ATP9B: variants seen among roughly 807,000 people sequenced by gnomAD.
The protein encoded by ATP9B is probable phospholipid-transporting ATPase IIB.
Under a neutral mutation model 146.1 loss-of-function variants are expected in ATP9B, and 110 were observed. The ratio of observed to expected loss-of-function variants is 0.75; its 90% CI spans 0.65 to 0.88. ATP9B has a LOEUF of 0.88. Among genes scored for constraint, ATP9B ranks in the 40% least tolerant of loss-of-function variants. ATP9B has a pLI of 0.00. For synonymous variants in ATP9B, 604 were observed against 569.7 expected, an observed-to-expected ratio of 1.06 and a Z score of -0.86; for missense variants, 1,499 against 1,496.4, an observed-to-expected ratio of 1.00 and a Z score of -0.03.
chr18:79,215,147 CAA>C (rs11444921), intron 11 of ATP9B, among the ~76,000 whole-genome samples: 13 of 115,740 alleles, frequency 1.1e-4, no homozygotes, highest in Admixed American at 1.8e-4. Flanking sequence ...GATTCTGTCT[CAA>C]AAAAAAAAAA....
intron 1 of ATP9B, among the ~76,000 whole-genome samples, chr18:79,072,549 C>T (rs1368562336): frequency 2.0e-5 from 3 of 150,256 alleles, no homozygotes; most frequent in African/African-American, 2.4e-5. Context: ...ATGTCTACTT[C>T]TTTCTACACA....
chr18:79,118,315 A>G (rs1184902543), intron 4 of ATP9B, among the ~76,000 whole-genome samples: 1 of 150,290 alleles, frequency 6.7e-6, no homozygotes, highest in African/African-American at 2.4e-5. Context: ...TAAAAGCAGT[A>G]TAGCATTATA....
chr18:79,348,638 C>T (rs2096905467), intron 25 of ATP9B, among the ~76,000 whole-genome samples: 1 of 152,242 alleles, frequency 6.6e-6, no homozygotes, highest in African/African-American at 2.4e-5. Flanking sequence ...GAAGCAAACA[C>T]TGTTGGTCTC....
intron 2 of ATP9B, among the ~76,000 whole-genome samples, chr18:79,102,357 A>T (rs1012883299): frequency 4.6e-5 from 7 of 152,164 alleles, no homozygotes; most frequent in South Asian, 2.1e-4. Context: ...TTGAATATTT[A>T]AAAAAATTTT....
intron 8 of ATP9B, among the ~76,000 whole-genome samples, chr18:79,178,271 G>C (rs568599047): frequency 1.3e-5 from 2 of 152,102 alleles, no homozygotes; most frequent in African/African-American, 4.8e-5. Flanking sequence ...TGAGTGACCC[G>C]GTTTCTCTGT....
At chr18:79,305,656 A>G (rs1002893285) in intron 14 of ATP9B, among the ~76,000 whole-genome samples, 4 of 152,240 alleles carry the variant, frequency 2.6e-5, no homozygotes, top group Non-Finnish European at 4.4e-5. Context: ...AGTTATTAGG[A>G]AAAAATTAAA....
chr18:79,083,309 C>CA (rs1393691323), intron 1 of ATP9B, among the ~76,000 whole-genome samples: 6 of 152,208 alleles, frequency 3.9e-5, no homozygotes, highest in Non-Finnish European at 8.8e-5. Flanking sequence ...TGGCAGCGAG[C>CA]ATTTCAAGCC....
intron 5 of ATP9B, among the ~76,000 whole-genome samples, chr18:79,132,700 TCA>T (rs1317472999): frequency 6.6e-6 from 1 of 152,236 alleles, no homozygotes; most frequent in Non-Finnish European, 1.5e-5. Context: ...TTCCAGTATT[TCA>T]CAGTTACCTC....
intron 11 of ATP9B, among the ~76,000 whole-genome samples, chr18:79,229,008 G>C (rs897274095): frequency 3.9e-5 from 6 of 152,100 alleles, no homozygotes; most frequent in African/African-American, 1.2e-4. Flanking sequence ...TCCAGCCTGG[G>C]CGACAGTATA....
intron 15 of ATP9B, among the ~76,000 whole-genome samples, chr18:79,321,993 A>G (rs1294606795): frequency 6.6e-6 from 1 of 152,182 alleles, no homozygotes; most frequent in Non-Finnish European, 1.5e-5. Context: ...AAGAAGTTTT[A>G]TTGGAGGAAG....
At chr18:79,362,118 G>A (rs938926564) in intron 26 of ATP9B, 2 of 152,222 alleles carry the variant, frequency 1.3e-5, no homozygotes, top group African/African-American at 2.4e-5. Context: ...CTTCAGAGGC[G>A]AGCCAGGGAG....
chr18:79,264,672 G>GT (rs376441505), intron 12 of ATP9B, among the ~76,000 whole-genome samples: 79,240 of 146,528 alleles, frequency 0.54, 21,644 homozygotes, highest in East Asian at 0.67. Flanking sequence ...AGTGTTTTTT[G>GT]TTTTTTTTTT....
intron 16 of ATP9B, 135 bp from the exon 17 acceptor site, chr18:79,329,877 C>T (rs531199895): frequency 4.7e-5 from 35 of 747,788 alleles, no homozygotes; most frequent in South Asian, 6.7e-5. Context: ...CGTAGAAACA[C>T]GTGTGAGGAG....
At chr18:79,110,323 A>C (rs765345211) in intron 2 of ATP9B, 32 bp from the exon 3 acceptor site, 2 of 1,503,170 alleles carry the variant, frequency 1.3e-6, no homozygotes, top group Non-Finnish European at 8.9e-7. Flanking sequence ...AGCAAAAAAA[A>C]ATACACAATA....
At chr18:79,085,750 A>G (rs770706639) in intron 1 of ATP9B, 3 of 152,236 alleles carry the variant, frequency 2.0e-5, no homozygotes, top group African/African-American at 4.8e-5. Context: ...CAGTGTGACT[A>G]TTGGCCCTGC....
chr18:79,312,798 G>T (rs746691025), intron 15 of ATP9B, among the ~76,000 whole-genome samples: 129 of 152,326 alleles, frequency 8.5e-4, no homozygotes, highest in Admixed American at 1.7e-3. Context: ...GATGGTATTT[G>T]CCTTTTTGGT....
Position 79,373,918 on chromosome 18 carries a change from G to A in ATP9B, c.3091G>A (p.Ala1031Thr). Reference sequence around the variant, plus strand: ...TTCAGGCGGCATCCTCATGTATGGGGCCCTGGTGCTCTTCGAGTCTGAGTT... The same window carrying A: ...TTCAGGCGGCATCCTCATGTATGGGACCCTGGTGCTCTTCGAGTCTGAGTT... ...IYQGGILMYG[A>T]LVLFESEFVH... Residue 1031 changes from alanine (A) to threonine (T), a missense_variant, in exon 28 of 30, where the codon GCC becomes ACC. Ala to Thr is a moderately conservative substitution (Grantham distance 58, BLOSUM62 0). Coordinates refer to ENST00000426216, the MANE Select transcript of ATP9B (RefSeq NM_198531.5). 6.2e-7 allele frequency: 1 copy of A among 1,613,030 alleles called. No individual in the cohort carries two copies.
At chr18:79,089,392 C>G (rs1454963332) in intron 1 of ATP9B, among the ~76,000 whole-genome samples, 2 of 152,164 alleles carry the variant, frequency 1.3e-5, no homozygotes. Context: ...TTGTTCCTGC[C>G]CATCTCTTCA....
At position 79,103,155 on chromosome 18, in the gene ATP9B, A is replaced by G. The variant is rs1036964455; in HGVS notation, c.293+6506A>G. On this transcript the variant is annotated intron_variant, in intron 2 of 29. Coordinates refer to ENST00000426216, the MANE Select transcript of ATP9B (RefSeq NM_198531.5). ...GCATTGTGCAGTAGCGAGAAGGGTC[A>G]CCGTCACCTTGTTCTTTCCCAGGTG... Among the ~76,000 whole-genome samples the G allele has an allele frequency of 1.3e-5, 2 of 152,268 alleles. 1 individual carries two copies. The highest frequency in any genetic ancestry group is 4.1e-4 in the South Asian group (2 of 4,830).
Sources: allele counts gnomAD v4.1 joint callset (sites outside exome capture counted in the v4.1 genomes callset), GRCh38; gene constraint gnomAD v4.1.1; transcripts MANE v1.5; gene names NCBI Gene and HGNC (gene_info 2026-07-23, HGNC 2026-07-21).